Variants in ARFGEF3 observed in about 807,000 individuals in gnomAD.
The protein encoded by ARFGEF3 is brefeldin A-inhibited guanine nucleotide-exchange protein 3.
ARFGEF3 carries 96 observed loss-of-function variants against 221.7 expected under a neutral mutation model. That is an observed-to-expected ratio of 0.43 (90% CI 0.37 to 0.51). The LOEUF (loss-of-function observed/expected upper bound fraction) is 0.51. ARFGEF3 is among the 20% of genes least tolerant of loss of function. The probability of loss-of-function intolerance (pLI) is 0.00; values close to 1 mark genes in which losing one functional copy is unlikely to be tolerated. For missense variants in ARFGEF3, 2,410 were observed against 2,789.9 expected (o/e 0.86, Z 3.07); for synonymous variants, 1,145 against 1,126.8 (o/e 1.02, Z -0.32).
chr6:138,322,667 C>T (rs1288873465), intron 29 of ARFGEF3, among the ~76,000 whole-genome samples: 2 of 151,530 alleles, frequency 1.3e-5, no homozygotes, highest in Non-Finnish European at 2.9e-5. Context: ...TGGTGGCGGG[C>T]GCCTGTAGTC....
chr6:138,240,762 A>G (rs901951413), intron 6 of ARFGEF3, among the ~76,000 whole-genome samples: 2 of 152,192 alleles, frequency 1.3e-5, no homozygotes. Context: ...GTGATGTCCA[A>G]TGGAGGGAGA....
Position 138,343,352 on chromosome 6 carries a change from G to T in ARFGEF3, c.*6866G>T, listed in dbSNP as rs1328515046. The T allele has an allele frequency of 6.6e-6, 1 of 152,070 alleles. No individual in the cohort carries two copies. The highest frequency in any genetic ancestry group is 1.5e-5 in the Non-Finnish European group (1 of 68,016). The allele number at this position is 152,070 out of a possible 1,614,324, so 9.4% of individuals were successfully genotyped here. A position where few individuals can be genotyped will look rare whatever the true frequency, so the allele number is the denominator to read the frequency against. On this transcript the variant is annotated 3_prime_UTR_variant, in exon 34 of 34. Transcript: ENST00000251691. ...GACTATTGTAGGAATGGAAGGAAAT[G>T]ATTATATTTACTAGAATTAGTGAGA...
chr6:138,205,779 C>T (rs1403242888), intron 2 of ARFGEF3, among the ~76,000 whole-genome samples: 1 of 152,102 alleles, frequency 6.6e-6, no homozygotes, highest in African/African-American at 2.4e-5. Flanking sequence ...TGTTGAGGGG[C>T]ACGGTGAGGG....
At position 138,334,008 on chromosome 6, in the gene ARFGEF3, A is replaced by G; in HGVS notation, c.5162A>G (p.His1721Arg). 1 of 1,612,724 alleles carries G rather than the reference A, an allele frequency of 6.2e-7. No individual in the cohort carries two copies. The highest frequency in any genetic ancestry group is 8.5e-7 in the Non-Finnish European group (1 of 1,178,900). ...GAAATTGTGGTGAGCCTGCTGTCTC[A>G]TCAGGTGTTACTCCAGAACTTATAT... Reference protein sequence around the residue: ...FREIVVSLLSHQVLLQNLYDI... With the variant: ...FREIVVSLLSRQVLLQNLYDI... The change falls in exon 33 of 34, where the codon CAT becomes CGT. Residue 1721 changes from histidine (H) to arginine (R), a missense_variant. His to Arg is a conservative substitution (Grantham distance 29, BLOSUM62 0). Transcript: ENST00000251691. The surrounding 1 kb of genome is among the most constrained non-coding windows in gnomAD (Gnocchi z 5.1).
At chr6:138,278,891 A>G (rs1305769220) in intron 13 of ARFGEF3, among the ~76,000 whole-genome samples, 1 of 152,220 alleles carries the variant, frequency 6.6e-6, no homozygotes, top group African/African-American at 2.4e-5. Flanking sequence ...CTGCCCAGGG[A>G]TAACCCAGTA....
At chr6:138,220,621 G>A (rs1777967533) in intron 4 of ARFGEF3, among the ~76,000 whole-genome samples, 1 of 152,060 alleles carries the variant, frequency 6.6e-6, no homozygotes, top group Non-Finnish European at 1.5e-5. Flanking sequence ...CTTGTACAAT[G>A]GAACAAAAAA....
intron 2 of ARFGEF3, among the ~76,000 whole-genome samples, chr6:138,190,092 T>TAAA (rs1159431679): frequency 5.9e-5 from 9 of 151,458 alleles, no homozygotes; most frequent in Admixed American, 5.9e-4. Context: ...TCAAAAAAAA[T>TAAA]AAAATAAAAT....
At chr6:138,206,350 T>A (rs1777624851) in intron 2 of ARFGEF3, among the ~76,000 whole-genome samples, 1 of 151,884 alleles carries the variant, frequency 6.6e-6, no homozygotes, top group South Asian at 2.1e-4. Context: ...CTCCTTTTTT[T>A]TTTTTTTTGT....
intron 29 of ARFGEF3, among the ~76,000 whole-genome samples, chr6:138,322,856 G>A (rs909470086): frequency 2.6e-5 from 4 of 151,608 alleles, no homozygotes; most frequent in Non-Finnish European, 4.4e-5. Context: ...GGGAACTGGA[G>A]GTTATTATGC....
Position 138,261,634 on chromosome 6 carries a change from C to T in ARFGEF3, c.1212C>T (p.Leu404=), listed in dbSNP as rs1295502237. ...ISKRKSHLDL[L]KLIMDGMTEA... ...AAAGAAAGTCTCATCTGGATCTCCT[C>T]AAACTGTATGATGTTTATCCTTTTA... is the stretch of plus-strand genomic sequence containing the variant. Residue 404 remains leucine (L), a synonymous_variant, in exon 11 of 34, where the codon CTC becomes CTT. Transcript: ENST00000251691. 1 of 1,538,622 alleles carries T rather than the reference C, an allele frequency of 6.5e-7. No individual in the cohort carries two copies. The highest frequency in any genetic ancestry group is 8.8e-7 in the Non-Finnish European group (1 of 1,133,896).
chr6:138,177,908 C>G (rs1193646178), intron 2 of ARFGEF3, among the ~76,000 whole-genome samples: 4 of 151,896 alleles, frequency 2.6e-5, no homozygotes, highest in Admixed American at 1.3e-4. Flanking sequence ...TTTCTTGCAT[C>G]TCATTGAGCG....
chr6:138,260,490 A>G (rs1259428903), intron 10 of ARFGEF3, among the ~76,000 whole-genome samples: 1 of 152,240 alleles, frequency 6.6e-6, no homozygotes, highest in Admixed American at 6.5e-5. Context: ...GTTAGAAATG[A>G]ACAATTATGA....
chr6:138,307,359 C>A lies in ARFGEF3; in HGVS notation c.3935C>A (p.Ser1312Ter). The A allele has an allele frequency of 1.2e-6, 2 of 1,613,698 alleles. No individual in the cohort carries two copies. The highest frequency in any genetic ancestry group is 2.2e-5 in the South Asian group (2 of 91,042). ...GAAACAGTGCATGGCGGGAACAAGT[C>A]AGAGATGAAGGAGTACCTGGTTGGT... Reference protein sequence around the residue: ...ALETVHGGNKSEMKEYLVGDY... With the variant: ...ALETVHGGNK The change falls in exon 23 of 34, where the codon TCA becomes TAA. Residue 1312 changes from serine (S) to a stop codon, truncating the protein, a stop_gained. Transcript: ENST00000251691. LOFTEE classifies it high-confidence loss of function.
chr6:138,306,953 T>TAAAA (rs71773390), intron 22 of ARFGEF3, among the ~76,000 whole-genome samples: 1 of 113,718 alleles, frequency 8.8e-6, no homozygotes, highest in Admixed American at 9.2e-5. Flanking sequence ...TAAGGAACTC[T>TAAAA]AAAAAAAAAA....
At chr6:138,212,675 A>G (rs1373530687) in intron 4 of ARFGEF3, among the ~76,000 whole-genome samples, 9 of 152,244 alleles carry the variant, frequency 5.9e-5, no homozygotes, top group Non-Finnish European at 5.9e-5. Context: ...GCACATATAC[A>G]CTATGGAATA....
intron 17 of ARFGEF3, 91 bp from the exon 18 acceptor site, chr6:138,289,727 T>G: frequency 7.3e-7 from 1 of 1,376,014 alleles, no homozygotes; most frequent in Non-Finnish European, 1.0e-6. Context: ...TCCTTTCCCT[T>G]TTGCCCTTGC....
At chr6:138,317,202 T>C (rs1244467852) in intron 26 of ARFGEF3, 49 bp from the exon 27 acceptor site, 1 of 1,592,104 alleles carries the variant, frequency 6.3e-7, no homozygotes, top group Non-Finnish European at 8.6e-7. Flanking sequence ...GAGATGATTA[T>C]TCATTGTGTC....
intron 12 of ARFGEF3, among the ~76,000 whole-genome samples, chr6:138,269,837 A>C (rs1377557044): frequency 6.6e-6 from 1 of 152,080 alleles, no homozygotes; most frequent in Non-Finnish European, 1.5e-5. Context: ...AGGCAATATT[A>C]CTACAAAAGG....
chr6:138,281,226 G>A (rs1161504677), intron 14 of ARFGEF3, among the ~76,000 whole-genome samples: 1 of 152,176 alleles, frequency 6.6e-6, no homozygotes, highest in Non-Finnish European at 1.5e-5. Flanking sequence ...GTACTATTTT[G>A]TGTAAGGTTG....
Sources: gnomAD v4.1 joint callset for allele counts (sites outside exome capture counted in the v4.1 genomes callset) on GRCh38, gnomAD v4.1.1 for gene constraint, Gnocchi (gnomAD v3.1) non-coding constraint, MANE v1.5 for transcripts, NCBI Gene and HGNC (gene_info 2026-07-23, HGNC 2026-07-21) for gene names.